ZNF611: variants seen among roughly 807,000 people sequenced by gnomAD.
ZNF611 encodes the protein zinc finger protein 611.
ZNF611 carries 6 observed loss-of-function variants against 8.9 expected under a neutral mutation model. That is an observed-to-expected ratio of 0.68 (90% CI 0.37 to 1.34). ZNF611 has a LOEUF of 1.34. Ranked by LOEUF, ZNF611 falls within the 40% of genes most tolerant of loss-of-function variation. ZNF611 has a pLI of 0.02. For missense variants in ZNF611, 874 were observed against 841.3 expected (o/e 1.04, Z -0.48); for synonymous variants, 262 against 279.7 (o/e 0.94, Z 0.63).
Position 52,720,306 on chromosome 19 carries a change from C to T in ZNF611, c.-19-4393G>A, listed in dbSNP as rs542776868. Among the ~76,000 whole-genome samples, 6 of 152,382 alleles carry T rather than the reference C, an allele frequency of 3.9e-5. 1 individual carries two copies. The South Asian group carries it at 1.2e-3, about 32-fold the overall frequency. ...GGGTACACCTGCAGAAAGGCTGTCA[C>T]TTCACACTTGGAAGATTGCACAGCG... On this transcript the variant is annotated intron_variant, in intron 3 of 5. Transcript: ENST00000652185.
At chr19:52,714,473 C>A (rs150352830) in intron 4 of ZNF611, among the ~76,000 whole-genome samples, 58 of 151,540 alleles carry the variant, frequency 3.8e-4, no homozygotes, top group South Asian at 2.9e-3. Context: ...AGATTATTTG[C>A]GGTCAAGAGT....
chr19:52,720,517 G>GTGGC, intron 3 of ZNF611, among the ~76,000 whole-genome samples: 4 of 151,788 alleles, frequency 2.6e-5, no homozygotes, highest in Non-Finnish European at 2.9e-5. Flanking sequence ...CCCAGATGGG[G>GTGGC]CGGCCGGGCA....
At chr19:52,721,678 A>AG (rs1322573022) in intron 3 of ZNF611, among the ~76,000 whole-genome samples, 3,062 of 149,900 alleles carry the variant, frequency 0.02, 120 homozygotes, top group African/African-American at 0.071. Context: ...GTGAGAGGGG[A>AG]AAGGGAGAGA....
chr19:52,733,927 C>T (rs1377186118), intron 1 of ZNF611, among the ~76,000 whole-genome samples: 1 of 148,760 alleles, frequency 6.7e-6, no homozygotes, highest in Non-Finnish European at 1.5e-5. Flanking sequence ...CCATCTTCCC[C>T]GATATACTCC....
rs148114541 is a variant in ZNF611 at position 52,725,683 on chromosome 19, G to A, written c.-20+3047C>T. ...CCAGGGACAGAAGTGCCAGGGACCT[G>A]GGAAGTGCAGACTTAATACAAGGCA... On this transcript the variant is annotated intron_variant, in intron 3 of 5. Transcript: ENST00000652185. 3.5e-3 allele frequency among the ~76,000 whole-genome samples: 527 copies of A among 152,262 alleles called. 2 individuals are homozygous for A. The highest frequency in any genetic ancestry group is 0.012 in the African/African-American group (502 of 41,574).
At chr19:52,714,270 T>G in intron 4 of ZNF611, 129 bp from the exon 5 acceptor site, 1 of 1,480,076 alleles carries the variant, frequency 6.8e-7, no homozygotes, top group Non-Finnish European at 8.9e-7. Context: ...GATGTTAAGG[T>G]ATTTTTGAAT....
chr19:52,710,262 ACT>A (rs953181679), intron 5 of ZNF611, among the ~76,000 whole-genome samples: 2 of 148,994 alleles, frequency 1.3e-5, no homozygotes, highest in Non-Finnish European at 3.0e-5. Context: ...ACAGAATCTA[ACT>A]CTGTCACCCG....
intron 5 of ZNF611, chr19:52,708,264 G>C (rs1278297311): frequency 6.6e-6 from 1 of 152,222 alleles, no homozygotes; most frequent in African/African-American, 2.4e-5. Flanking sequence ...GGGAGGCCGA[G>C]TCAGACGGAT....
At chr19:52,713,565 T>C (rs2062294360) in intron 5 of ZNF611, among the ~76,000 whole-genome samples, 1 of 152,136 alleles carries the variant, frequency 6.6e-6, no homozygotes, top group Non-Finnish European at 1.5e-5. Context: ...ATTGTCACAG[T>C]GCCAGTGAGA....
At chr19:52,715,711 G>A (rs1266838280) in intron 4 of ZNF611, 121 bp downstream of exon 4, 13 of 1,481,330 alleles carry the variant, frequency 8.8e-6, no homozygotes, top group African/African-American at 6.9e-5. Context: ...GGCAGGCATG[G>A]GTGAGTGCGA....
rs1180107780 is a variant in ZNF611 at position 52,715,817 on chromosome 19, G to A, written c.63+15C>T. Reference sequence around the variant, plus strand: ...CGAAAGACACAGATTAATCCACAGAGGAATATCACTTCACCTGAGGAAGAG... The same window carrying A: ...CGAAAGACACAGATTAATCCACAGAAGAATATCACTTCACCTGAGGAAGAG... On this transcript the variant is annotated intron_variant, in intron 4 of 5. Coordinates refer to ENST00000652185, the MANE Select transcript of ZNF611 (RefSeq NM_001161499.2). The A allele has an allele frequency of 6.2e-7, 1 of 1,610,220 alleles. No homozygotes were observed. Among genetic ancestry groups the A allele is most frequent in the African/African-American group, 1.3e-5 (1 of 74,894 alleles).
intron 3 of ZNF611, among the ~76,000 whole-genome samples, chr19:52,720,556 A>G (rs9676491): frequency 0.064 from 2,742 of 43,090 alleles, 5 homozygotes; most frequent in African/African-American, 0.16. Flanking sequence ...CAGATGGGGC[A>G]GCCGGGCAGA....
intron 1 of ZNF611, among the ~76,000 whole-genome samples, chr19:52,732,247 G>A (rs1466529589): frequency 6.6e-6 from 1 of 152,010 alleles, no homozygotes. Context: ...TCCAGCCTGG[G>A]TGACAGAGCA....
At position 52,705,880 on chromosome 19, in the gene ZNF611, T is replaced by C. The variant is rs749883716; in HGVS notation, c.1175A>G (p.His392Arg). The C allele has an allele frequency of 1.9e-6, 3 of 1,614,220 alleles. No individual in the cohort carries two copies. The highest frequency in any genetic ancestry group is 2.5e-6 in the Non-Finnish European group (3 of 1,180,030). The change falls in exon 6 of 6, where the codon CAT (histidine) becomes CGT (arginine). Residue 392 changes from histidine to arginine, a missense_variant. By Grantham distance (29) the His-to-Arg change is conservative (BLOSUM62 0). Transcript: ENST00000652185. ...ACATCTGTATGGTTTCTCTCCAGTATGAATTCTCTTATGTGTCTCAATGGT... is the reference window on the plus strand; with the variant it reads ...ACATCTGTATGGTTTCTCTCCAGTACGAATTCTCTTATGTGTCTCAATGGT... ...KSTIETHKRI[H>R]TGEKPYRCKV...
At position 52,732,037 on chromosome 19, in the gene ZNF611, G is replaced by A. The variant is rs181796551; in HGVS notation, c.-221-2032C>T. 9.7e-3 allele frequency among the ~76,000 whole-genome samples: 1,472 copies of A among 151,762 alleles called. 8 individuals are homozygous for A. The highest frequency in any genetic ancestry group is 0.017 in the Middle Eastern group (5 of 294). ...TGTAATCCCAGCACTTTGGGAGGCT[G>A]AGGCGGGCGGATCACGAGGTCAGGA... On this transcript the variant is annotated intron_variant, in intron 1 of 5. Transcript: ENST00000652185.
rs1290046469 is a variant in ZNF611 at position 52,703,220 on chromosome 19, C to A, written c.*1717G>T. 1 of 151,456 alleles carries A rather than the reference C, an allele frequency of 6.6e-6. No homozygotes were observed. Among genetic ancestry groups the A allele is most frequent in the Non-Finnish European group, 1.5e-5 (1 of 67,810 alleles). The allele number at this position is 151,456 out of a possible 1,614,324, so 9.4% of individuals were successfully genotyped here. A position where few individuals can be genotyped will look rare whatever the true frequency, so the allele number is the denominator to read the frequency against. ...AAATAAAGAGAGAAATGAAGAGGAA[C>A]CAGAAAGAAAAAGAAGGAAGTCCAT... On this transcript the variant is annotated 3_prime_UTR_variant, in exon 6 of 6. Transcript: ENST00000652185.
In ZNF611 at chr19:52,704,220, ACTCCAAT is replaced by A; in HGVS notation, c.*710_*716del. 2.4e-6 allele frequency: 1 copy of A among 416,990 alleles called. No homozygotes were observed. The highest frequency in any genetic ancestry group is 4.8e-6 in the Non-Finnish European group (1 of 206,604). 25.8% of individuals were successfully genotyped at this position (416,990 alleles called of 1,614,324 possible). ...ACAAACTCAAGTCAATGCTGAATTGACTCCAATGTCAATTAATGCTTGATGGTTTGCT... is the reference window on the plus strand; with the variant it reads ...ACAAACTCAAGTCAATGCTGAATTGAGTCAATTAATGCTTGATGGTTTGCT... On this transcript the variant is annotated 3_prime_UTR_variant, in exon 6 of 6. Transcript: ENST00000652185.
chr19:52,706,105 C>A lies in ZNF611; in HGVS notation c.950G>T (p.Cys317Phe). 2 of 1,614,068 alleles carry A rather than the reference C, an allele frequency of 1.2e-6. No individual in the cohort carries two copies. The highest frequency in any genetic ancestry group is 1.7e-6 in the Non-Finnish European group (2 of 1,179,980). Residue 317 changes from cysteine to phenylalanine, a missense_variant, in exon 6 of 6, where the codon TGT (cysteine) becomes TTT (phenylalanine). Physicochemically the swap from Cys to Phe is radical, Grantham distance 205 (BLOSUM62 -2). Transcript: ENST00000652185. ...RLHTGVKRYN[C>F]NECGKIFGQN... ...ACCAAAGATCTTGCCACACTCATTACAATTGTAACGTTTTACTCCAGTATG... is the reference window on the plus strand; with the variant it reads ...ACCAAAGATCTTGCCACACTCATTAAAATTGTAACGTTTTACTCCAGTATG...
In ZNF611 at chr19:52,706,048, A is replaced by G. The variant is rs2062241011; in HGVS notation, c.1007T>C (p.Ile336Thr). 17 of 1,614,020 alleles carry G rather than the reference A, an allele frequency of 1.1e-5. No homozygotes were observed. Among genetic ancestry groups the G allele is most frequent in the South Asian group, 4.4e-5 (4 of 91,078 alleles). Residue 336 changes from isoleucine (I) to threonine (T), a missense_variant, in exon 6 of 6, where the codon ATT (isoleucine) becomes ACT (threonine). Physicochemically the swap from Ile to Thr is moderately conservative, Grantham distance 89. Transcript: ENST00000652185. ...CTTGTAAGGATTTTCTCCAGTATCA[A>G]TTGCCTTATCAATTAGAAGGGCTGA... is the stretch of plus-strand genomic sequence containing the variant. ...QNSALLIDKA[I>T]DTGENPYKCN... is the part of the protein sequence containing the mutation.
Sources: gnomAD v4.1 joint callset for allele counts (sites outside exome capture counted in the v4.1 genomes callset) on GRCh38, gnomAD v4.1.1 for gene constraint, MANE v1.5 for transcripts, NCBI Gene and HGNC (gene_info 2026-07-23, HGNC 2026-07-21) for gene names.